The following NRXN3 variants were observed in gnomAD, a reference collection of about 807,000 sequenced individuals.
The protein encoded by NRXN3 is neurexin 3.
Under a neutral mutation model 137.6 loss-of-function variants are expected in NRXN3, and 32 were observed. The observed-to-expected ratio is 0.23, with a 90% CI of 0.18 to 0.31. The LOEUF is 0.31. Among genes scored for constraint, NRXN3 ranks in the 10% least tolerant of loss-of-function variants. The pLI is 1.00. For synonymous variants in NRXN3, 798 were observed against 784.5 expected (o/e 1.02, Z -0.29); for missense variants, 1,574 against 2,062.5 (o/e 0.76, Z 4.59).
intron 1 of NRXN3, among the ~76,000 whole-genome samples, chr14:78,235,805 C>T (rs563580162): frequency 2.0e-4 from 31 of 152,156 alleles, no homozygotes; most frequent in Admixed American, 7.2e-4. Context: ...GGATCAGCTC[C>T]GCAGATTTCA....
chr14:79,422,303 T>G lies in NRXN3; in HGVS notation c.3263-44918T>G, dbSNP rs563778262. ...GGGCTTGAACTCCTGGGCTCAAGCATTCCTCCCTCCTCAGCCTCCCAAAGT... is the reference window on the plus strand; with the variant it reads ...GGGCTTGAACTCCTGGGCTCAAGCAGTCCTCCCTCCTCAGCCTCCCAAAGT... On this transcript the variant is annotated intron_variant, in intron 15 of 20. Coordinates refer to ENST00000335750, the MANE Select transcript of NRXN3 (RefSeq NM_001330195.2). 2.6e-5 allele frequency among the ~76,000 whole-genome samples: 4 copies of G among 152,040 alleles called. No individual in the cohort carries two copies. The South Asian group carries it at 8.3e-4, about 32-fold the overall frequency.
At chr14:79,443,505 A>C (rs2096003684) in intron 15 of NRXN3, among the ~76,000 whole-genome samples, 1 of 152,200 alleles carries the variant, frequency 6.6e-6, no homozygotes, top group African/African-American at 2.4e-5. Flanking sequence ...TACGTCTTGC[A>C]GGATGTGGGA....
At chr14:79,357,977 G>A (rs1462859678) in intron 15 of NRXN3, among the ~76,000 whole-genome samples, 2 of 152,194 alleles carry the variant, frequency 1.3e-5, no homozygotes, top group African/African-American at 4.8e-5. Context: ...CTGGAGGTTA[G>A]TAACATCAAG....
intron 15 of NRXN3, among the ~76,000 whole-genome samples, chr14:79,104,675 A>T (rs989415850): frequency 6.6e-6 from 1 of 152,176 alleles, no homozygotes; most frequent in African/African-American, 2.4e-5. Context: ...TTCTCATTAG[A>T]TGGCTATTTC....
chr14:78,617,817 G>C (rs898748260), intron 4 of NRXN3, among the ~76,000 whole-genome samples: 3 of 151,644 alleles, frequency 2.0e-5, no homozygotes, highest in Non-Finnish European at 2.9e-5. Context: ...ATATTAAAAT[G>C]TATATAAAGT....
At chr14:79,010,134 A>G (rs1369735178) in intron 15 of NRXN3, among the ~76,000 whole-genome samples, 1 of 152,218 alleles carries the variant, frequency 6.6e-6, no homozygotes, top group African/African-American at 2.4e-5. Context: ...TACTTCATTT[A>G]GCTGGATCCA....
intron 4 of NRXN3, among the ~76,000 whole-genome samples, chr14:78,519,796 T>G (rs910496719): frequency 6.6e-6 from 1 of 152,028 alleles, no homozygotes; most frequent in Admixed American, 6.6e-5. Flanking sequence ...GGAATAAATA[T>G]CAAAGGACCC....
rs1265861279 is a variant in NRXN3 at position 79,866,722 on chromosome 14, T to G, written c.*4758T>G. On this transcript the variant is annotated 3_prime_UTR_variant, in exon 21 of 21. Coordinates refer to ENST00000335750, the MANE Select transcript of NRXN3 (RefSeq NM_001330195.2). ...AAATGAAAGGTAATAACTGATCTACTCTTATGGAGCAACCGAGTTTCCTGA... is the reference window on the plus strand; with the variant it reads ...AAATGAAAGGTAATAACTGATCTACGCTTATGGAGCAACCGAGTTTCCTGA... 1 of 152,208 alleles carries G rather than the reference T, an allele frequency of 6.6e-6. No individual in the cohort carries two copies. Among genetic ancestry groups the G allele is most frequent in the African/African-American group, 2.4e-5 (1 of 41,464 alleles). 9.4% of individuals were successfully genotyped at this position (152,208 alleles called of 1,614,324 possible). A position where few individuals can be genotyped will look rare whatever the true frequency, so the allele number is the denominator to read the frequency against.
In NRXN3 at chr14:78,243,667, C is replaced by T. The variant is rs573534307; in HGVS notation, c.574C>T (p.Arg192Trp). ...GNSEPRLLGSRGVQMDAEGPC... is the reference protein window; with the variant it reads ...GNSEPRLLGSWGVQMDAEGPC... ...CTCGGAGCCTCGGCTTCTGGGGAGC[C>T]GGGGTGTCCAGATGGATGCCGAGGG... The change falls in exon 2 of 21, where the codon CGG becomes TGG. Residue 192 changes from arginine to tryptophan, a missense_variant. Around this residue, in one of 5 missense-constraint regions of NRXN3, gnomAD observed 400 missense variants for 527.3 expected, o/e 0.76. Coordinates refer to ENST00000335750, the MANE Select transcript of NRXN3 (RefSeq NM_001330195.2). The surrounding 1 kb of genome is among the most constrained non-coding windows in gnomAD (Gnocchi z 4.2). 72 of 1,598,386 alleles carry T rather than the reference C, an allele frequency of 4.5e-5. 1 individual carries two copies. In the South Asian group the frequency reaches 5.4e-4, roughly 12 times the overall value.
chr14:79,692,767 C>CATT (rs1445789006), intron 18 of NRXN3, among the ~76,000 whole-genome samples: 1 of 151,586 alleles, frequency 6.6e-6, no homozygotes, highest in East Asian at 1.9e-4. Context: ...GTAAGGGGAG[C>CATT]ATTTTTTTTT....
At chr14:79,854,057 T>C (rs1185186854) in intron 20 of NRXN3, 1 of 984,690 alleles carries the variant, frequency 1.0e-6, no homozygotes, top group East Asian at 1.1e-4. Context: ...AATTATTATA[T>C]TTGAAAAATT....
At chr14:78,639,726 G>T (rs528605539) in intron 4 of NRXN3, among the ~76,000 whole-genome samples, 1 of 152,332 alleles carries the variant, frequency 6.6e-6, no homozygotes, top group South Asian at 2.1e-4. Context: ...TGGCAAAGTA[G>T]TGGTATGGTG....
chr14:79,805,185 G>A lies in NRXN3; in HGVS notation c.4088G>A (p.Ser1363Asn). ...GAAGACTTTGTTGAATGTGAGCCGA[G>A]TACAGGTAGGTCAGGTCAGTCTTAT... Reference protein sequence around the residue: ...DDEDFVECEPSTDKSLSTSIF... With the variant: ...DDEDFVECEPNTDKSLSTSIF... The change falls in exon 20 of 21, where the codon AGT becomes AAT. Residue 1363 changes from serine to asparagine, a missense_variant. Around this residue, in one of 5 missense-constraint regions of NRXN3, gnomAD observed 320 missense variants for 387.1 expected, o/e 0.83. Transcript: ENST00000335750. 3 of 1,613,368 alleles carry A rather than the reference G, an allele frequency of 1.9e-6. No homozygotes were observed. The highest frequency in any genetic ancestry group is 2.5e-6 in the Non-Finnish European group (3 of 1,179,498).
intron 4 of NRXN3, among the ~76,000 whole-genome samples, chr14:78,582,040 G>A (rs1173235929): frequency 6.6e-6 from 1 of 152,176 alleles, no homozygotes; most frequent in Non-Finnish European, 1.5e-5. Context: ...GCTTCATGTT[G>A]TTCTGTCCAT....
chr14:78,823,851 T>C (rs901190141), intron 10 of NRXN3, among the ~76,000 whole-genome samples: 1 of 152,010 alleles, frequency 6.6e-6, no homozygotes, highest in Non-Finnish European at 1.5e-5. Context: ...AAAAAATAGC[T>C]GTGTTAGCAT....
chr14:78,343,180 C>A (rs2082328710), intron 4 of NRXN3, among the ~76,000 whole-genome samples: 1 of 152,172 alleles, frequency 6.6e-6, no homozygotes, highest in South Asian at 2.1e-4. Flanking sequence ...CTTAAATCAA[C>A]ACAACCAAGT....
chr14:78,765,083 A>T (rs2098704623), intron 8 of NRXN3, among the ~76,000 whole-genome samples: 1 of 152,140 alleles, frequency 6.6e-6, no homozygotes, highest in Non-Finnish European at 1.5e-5. Flanking sequence ...TCACCTCTGT[A>T]GAGGAAGAGA....
intron 4 of NRXN3, among the ~76,000 whole-genome samples, chr14:78,511,088 G>A (rs1050913705): frequency 2.0e-5 from 3 of 152,234 alleles, no homozygotes; most frequent in African/African-American, 4.8e-5. Flanking sequence ...CTAGTCTGAT[G>A]TCACTGAGAA....
At chr14:79,660,161 G>A (rs919315553) in intron 16 of NRXN3, among the ~76,000 whole-genome samples, 8 of 152,106 alleles carry the variant, frequency 5.3e-5, no homozygotes, top group African/African-American at 1.9e-4. Flanking sequence ...ATGAGCCAGC[G>A]GAGTTGATTT....
Sources: gnomAD v4.1 joint callset for allele counts (sites outside exome capture counted in the v4.1 genomes callset) on GRCh38, gnomAD v4.1.1 for gene constraint, gnomAD v4.1.1 regional missense constraint, Gnocchi (gnomAD v3.1) non-coding constraint, MANE v1.5 for transcripts, NCBI Gene and HGNC (gene_info 2026-07-23, HGNC 2026-07-21) for gene names.